FASN: variants seen among roughly 807,000 people sequenced by gnomAD.
The protein encoded by FASN is fatty acid synthase.
FASN carries 50 observed loss-of-function variants against 250.0 expected under a neutral mutation model. The observed-to-expected ratio is 0.20, with a 90% confidence interval of 0.16 to 0.25. FASN has a LOEUF of 0.25. Ranked by LOEUF, FASN falls within the 10% of genes least tolerant of loss-of-function variation. The pLI, the probability that FASN is intolerant of heterozygous loss-of-function variation, is 1.00. For synonymous variants in FASN, 1,909 were observed against 1,584.0 expected, an observed-to-expected ratio of 1.21 and a Z score of -4.87; for missense variants, 3,031 against 3,498.5, an observed-to-expected ratio of 0.87 and a Z score of 3.37.
intron 1 of FASN, 132 bp downstream of exon 1, chr17:82,097,989 G>C (rs1263018169): frequency 6.9e-6 from 2 of 291,478 alleles, no homozygotes; most frequent in African/African-American, 4.4e-5. Flanking sequence ...AGGCCGCCCA[G>C]GCGACCCCTG....
chr17:82,084,169 G>A lies in FASN; in HGVS notation c.4920-16C>T, dbSNP rs1347479617. On this transcript the variant is annotated splice_polypyrimidine_tract_variant and intron_variant, in intron 28 of 42. Coordinates refer to ENST00000306749, the MANE Select transcript of FASN (RefSeq NM_004104.5). ...CTCCAGCGTCCTGGGGATGCAGCAG[G>A]TGGGTCAGCACAGGCCTGGCCGCCA... The A allele has an allele frequency of 1.9e-6, 3 of 1,604,874 alleles. No homozygotes were observed. In the African/African-American group the frequency reaches 4.0e-5, roughly 21 times the overall value.
chr17:82,086,408 T>C lies in FASN; in HGVS notation c.3578A>G (p.Asn1193Ser), dbSNP rs139346033. 188 of 1,611,104 alleles carry C rather than the reference T, an allele frequency of 1.2e-4. No homozygotes were observed. In the African/African-American group the frequency reaches 2.3e-3, roughly 20 times the overall value. ...SAACRLQLNGNLQLELAQVLA... is the reference protein window; with the variant it reads ...SAACRLQLNGSLQLELAQVLA... ...CACCTGCGCCAGCTCCAGCTGCAGG[T>C]TCCCGTTGAGCTGAAGCCTGCAGGC... The change falls in exon 22 of 43, where the codon AAC becomes AGC. Residue 1193 changes from asparagine (N) to serine (S), a missense_variant. Transcript: ENST00000306749.
intron 41 of FASN, 145 bp downstream of exon 41, chr17:82,079,995 A>C: frequency 1.1e-6 from 1 of 918,708 alleles, no homozygotes; most frequent in Non-Finnish European, 1.7e-6. Flanking sequence ...GGCATGAGCA[A>C]CCGCATCCGG....
chr17:82,084,534 G>A lies in FASN; in HGVS notation c.4747C>T (p.Leu1583=), dbSNP rs199741117. The A allele has an allele frequency of 1.6e-4, 253 of 1,610,874 alleles. No homozygotes were observed. The highest frequency in any genetic ancestry group is 2.1e-4 in the Non-Finnish European group (245 of 1,179,234). The stretch of plus-strand genomic sequence containing the variant: ...ATACCTGGGATGGCATCAGGGGACA[G>A]CTTGCCAGTGGCCAGCATGATGTCG... ...FRDIMLATGK[L]SPDAIPGKWT... is the part of the protein sequence containing the mutation. The change falls in exon 27 of 43, where the codon CTG becomes TTG. Residue 1583 remains leucine (L), a synonymous_variant. Coordinates refer to ENST00000306749, the MANE Select transcript of FASN (RefSeq NM_004104.5).
chr17:82,081,224 C>A lies in FASN; in HGVS notation c.6535G>T (p.Val2179Leu). The change falls in exon 38 of 43, where the codon GTG becomes TTG. Residue 2179 changes from valine (V) to leucine (L), a missense_variant. Transcript: ENST00000306749. ...ELNLVLSVRE[V>L]RQLTLRKLQE... ...AGTTTCCGGAGCGTGAGTTGCCGCA[C>A]CTCGCGCACGGACAGCACCAGGTTG... 1 of 1,592,226 alleles carries A rather than the reference C, an allele frequency of 6.3e-7. No homozygotes were observed. The highest frequency in any genetic ancestry group is 8.5e-7 in the Non-Finnish European group (1 of 1,170,350).
intron 33 of FASN, 76 bp downstream of exon 33, chr17:82,082,838 G>A (rs2034015202): frequency 1.2e-5 from 19 of 1,575,276 alleles, no homozygotes; most frequent in Non-Finnish European, 1.6e-5. Context: ...CCACAATGGT[G>A]GGCTGCAGAG....
At position 82,086,523 on chromosome 17, in the gene FASN, G is replaced by C; in HGVS notation, c.3463C>G (p.Gln1155Glu). ...CCGGGCACCACCATCTTCAGCCCCTGCTGGGTCACCTTGGTCTGCAGTGCC... is the reference window on the plus strand; with the variant it reads ...CCGGGCACCACCATCTTCAGCCCCTCCTGGGTCACCTTGGTCTGCAGTGCC... Reference protein sequence around the residue: ...VQALQTKVTQQGLKMVVPGLD... With the variant: ...VQALQTKVTQEGLKMVVPGLD... The change falls in exon 22 of 43, where the codon CAG becomes GAG. Residue 1155 changes from glutamine to glutamate, a missense_variant. Gln to Glu is a conservative substitution (Grantham distance 29, BLOSUM62 2). Transcript: ENST00000306749. 3 of 1,612,260 alleles carry C rather than the reference G, an allele frequency of 1.9e-6. No homozygotes were observed. Among genetic ancestry groups the C allele is most frequent in the Non-Finnish European group, 2.5e-6 (3 of 1,179,968 alleles).
intron 3 of FASN, among the ~76,000 whole-genome samples, chr17:82,094,793 T>C (rs1316378357): frequency 6.7e-6 from 1 of 149,262 alleles, no homozygotes; most frequent in Non-Finnish European, 1.5e-5. Flanking sequence ...GTCTTAAAAA[T>C]AAATAAATAA....
chr17:82,090,281 TACGGG>T, intron 11 of FASN, 89 bp downstream of exon 11: 1 of 1,315,966 alleles, frequency 7.6e-7, no homozygotes, highest in Non-Finnish European at 1.0e-6. Context: ...CACTCTATCC[TACGGG>T]GGCCAGGCCA....
chr17:82,091,666 G>T lies in FASN; in HGVS notation c.1048C>A (p.His350Asn). Reference protein sequence around the residue: ...ALAKVLLSLEHGLWAPNLHFH... With the variant: ...ALAKVLLSLENGLWAPNLHFH... ...TGCAGGTTGGGGGCCCAGAGCCCGT[G>T]CTCCAGGGACAGCAGCACCTGCGGG... The change falls in exon 9 of 43, where the codon CAC becomes AAC. Residue 350 changes from histidine to asparagine, a missense_variant. By Grantham distance (68) the His-to-Asn change is moderately conservative. Coordinates refer to ENST00000306749, the MANE Select transcript of FASN (RefSeq NM_004104.5). 1 of 1,588,802 alleles carries T rather than the reference G, an allele frequency of 6.3e-7. No individual in the cohort carries two copies. The highest frequency in any genetic ancestry group is 1.8e-5 in the Admixed American group (1 of 55,476).
intron 1 of FASN, 186 bp from the exon 2 acceptor site, chr17:82,096,638 G>A (rs1008099599): frequency 2.5e-6 from 2 of 787,028 alleles, no homozygotes; most frequent in Non-Finnish European, 4.1e-6. Flanking sequence ...CGCTCTCGCT[G>A]GGAGGGGCTG....
Position 82,086,468 on chromosome 17 carries a change from G to A in FASN, c.3518C>T (p.Pro1173Leu). 6 of 1,612,464 alleles carry A rather than the reference G, an allele frequency of 3.7e-6. No individual in the cohort carries two copies. The highest frequency in any genetic ancestry group is 5.1e-6 in the Non-Finnish European group (6 of 1,179,950). The change falls in exon 22 of 43, where the codon CCC (proline) becomes CTC (leucine). Residue 1173 changes from proline to leucine, a missense_variant. Physicochemically the swap from Pro to Leu is moderately conservative, Grantham distance 98 (BLOSUM62 -3). Transcript: ENST00000306749. ...CAGCCGGGGCAGTTCCTGCTGTGAGGGGTCCCGGGGGATCTGGGCCCCATC... is the reference window on the plus strand; with the variant it reads ...CAGCCGGGGCAGTTCCTGCTGTGAGAGGTCCCGGGGGATCTGGGCCCCATC... ...GLDGAQIPRD[P>L]SQQELPRLLS...
chr17:82,088,872 A>C lies in FASN; in HGVS notation c.2309T>G (p.Val770Gly). The C allele has an allele frequency of 6.2e-7, 1 of 1,612,386 alleles. No individual in the cohort carries two copies. Among genetic ancestry groups the C allele is most frequent in the East Asian group, 2.2e-5 (1 of 44,862 alleles). ...EIAPHALLQAVLKRGLKPSCT... is the reference protein window; with the variant it reads ...EIAPHALLQAGLKRGLKPSCT... ...GCTCGGCTTCAGGCCACGCTTCAGG[A>C]CAGCCTGGGGGCGGCAGGGCAGGTG... The change falls in exon 15 of 43, where the codon GTC becomes GGC. Residue 770 changes from valine (V) to glycine (G), a missense_variant. Val to Gly is a moderately radical substitution (Grantham distance 109). Coordinates refer to ENST00000306749, the MANE Select transcript of FASN (RefSeq NM_004104.5).
chr17:82,090,804 C>T, intron 10 of FASN, 78 bp downstream of exon 10: 1 of 1,504,936 alleles, frequency 6.6e-7, no homozygotes. Context: ...CCGGACTCAA[C>T]ACTGCAGCTC....
intron 34 of FASN, 33 bp downstream of exon 34, chr17:82,082,494 C>G (rs749672712): frequency 6.2e-7 from 1 of 1,610,114 alleles, no homozygotes; most frequent in Non-Finnish European, 8.5e-7. Context: ...GGTCTTGGGG[C>G]TTTTGAGGGC....
chr17:82,094,154 G>A (rs1334638821), intron 3 of FASN: 16 of 361,144 alleles, frequency 4.4e-5, no homozygotes, highest in South Asian at 1.1e-4. Flanking sequence ...TGATGAGCCC[G>A]TCGGCCAGTG....
chr17:82,095,519 G>T, intron 2 of FASN, 47 bp from the exon 3 acceptor site: 1 of 1,606,430 alleles, frequency 6.2e-7, no homozygotes, highest in Admixed American at 1.7e-5. Context: ...GCTGCCCAGA[G>T]GTGGGGGCCC....
rs569811117 is a variant in FASN at position 82,083,403 on chromosome 17, G to A, written c.5364C>T (p.Asn1788=). Residue 1788 remains asparagine (N), a synonymous_variant, in exon 32 of 43, where the codon AAC becomes AAT. Transcript: ENST00000306749. ...HPLGMAIFLK[N]VTFHGVLLDA... ...CCAGTAGGACCCCGTGGAATGTCACGTTCTTCAGGAAGATAGCCATGCCTG... is the reference window on the plus strand; with the variant it reads ...CCAGTAGGACCCCGTGGAATGTCACATTCTTCAGGAAGATAGCCATGCCTG... The A allele has an allele frequency of 2.2e-5, 35 of 1,612,758 alleles. No homozygotes were observed. The highest frequency in any genetic ancestry group is 1.1e-4 in the East Asian group (5 of 44,884).
Position 82,090,911 on chromosome 17 carries a change from G to A in FASN, c.1651C>T (p.His551Tyr). 6 of 1,605,936 alleles carry A rather than the reference G, an allele frequency of 3.7e-6. No homozygotes were observed. The highest frequency in any genetic ancestry group is 2.2e-5 in the South Asian group (2 of 89,908). ...TDESTFDDIVHSFVSLTAIQI... is the reference protein window; with the variant it reads ...TDESTFDDIVYSFVSLTAIQI... ...ATGGCAGTCAGGCTCACAAACGAAT[G>A]GACGATGTCATCAAAGGTGCTCTCG... Residue 551 changes from histidine (H) to tyrosine (Y), a missense_variant, in exon 10 of 43, where the codon CAT becomes TAT. Physicochemically the swap from His to Tyr is moderately conservative, Grantham distance 83. Coordinates refer to ENST00000306749, the MANE Select transcript of FASN (RefSeq NM_004104.5).
Sources: allele counts gnomAD v4.1 joint callset (sites outside exome capture counted in the v4.1 genomes callset), GRCh38; gene constraint gnomAD v4.1.1; transcripts MANE v1.5; gene names NCBI Gene and HGNC (gene_info 2026-07-23, HGNC 2026-07-21).